NELL1: variants seen among roughly 807,000 people sequenced by gnomAD.
NELL1 encodes the protein protein kinase C-binding protein NELL1.
NELL1 carries 76 observed loss-of-function variants against 107.4 expected under a neutral mutation model. The observed-to-expected ratio is 0.71, with a 90% CI of 0.59 to 0.86. NELL1 has a LOEUF of 0.86. NELL1 is among the 40% of genes least tolerant of loss of function. The pLI, the probability that NELL1 is intolerant of heterozygous loss-of-function variation, is 0.00. For missense variants in NELL1, 1,024 were observed against 1,005.5 expected, an observed-to-expected ratio of 1.02 and a Z score of -0.25; for synonymous variants, 353 against 341.2, an observed-to-expected ratio of 1.03 and a Z score of -0.38.
chr11:20,768,948 A>G (rs554889034), intron 2 of NELL1, among the ~76,000 whole-genome samples: 1 of 152,330 alleles, frequency 6.6e-6, no homozygotes, highest in African/African-American at 2.4e-5. Context: ...CAACAGCCAT[A>G]AGAAACTAAT....
intron 2 of NELL1, among the ~76,000 whole-genome samples, chr11:20,765,179 T>G (rs1175464386): frequency 2.6e-5 from 4 of 151,496 alleles, no homozygotes; most frequent in South Asian, 2.1e-4. Flanking sequence ...AAAAATAAAA[T>G]GAGGCAGATA....
intron 13 of NELL1, among the ~76,000 whole-genome samples, chr11:21,124,247 T>G (rs1855437077): frequency 6.6e-6 from 1 of 152,188 alleles, no homozygotes; most frequent in East Asian, 1.9e-4. Context: ...ACATTGAGTT[T>G]TTTTCCCCCC....
At chr11:20,898,639 C>T (rs994741869) in intron 5 of NELL1, among the ~76,000 whole-genome samples, 2 of 150,354 alleles carry the variant, frequency 1.3e-5, no homozygotes, top group Non-Finnish European at 3.0e-5. Context: ...TAAATTATGA[C>T]CATTCTTGCA....
intron 4 of NELL1, among the ~76,000 whole-genome samples, chr11:20,870,865 A>G (rs948465669): frequency 1.3e-5 from 2 of 152,232 alleles, no homozygotes; most frequent in East Asian, 1.9e-4. Context: ...TTCTTTCAAG[A>G]AGATGATGAT....
In NELL1 at chr11:21,498,756, A is replaced by G. The variant is rs191323836; in HGVS notation, c.1646-35618A>G. ...AATTATTCTGTGAAGAGATTTACCC[A>G]TTTATACCATTGTAGGAGAGTTGCT... On this transcript the variant is annotated intron_variant, in intron 15 of 19. Transcript: ENST00000357134. Among the ~76,000 whole-genome samples the G allele has an allele frequency of 2.8e-3, 430 of 152,156 alleles. 5 individuals carry two copies. The highest frequency in any genetic ancestry group is 9.9e-3 in the African/African-American group (410 of 41,554).
At chr11:21,551,606 A>T (rs961384557) in intron 16 of NELL1, among the ~76,000 whole-genome samples, 2 of 151,696 alleles carry the variant, frequency 1.3e-5, no homozygotes, top group African/African-American at 4.8e-5. Flanking sequence ...CACACCAGTT[A>T]GAATGGCAAT....
At chr11:21,357,900 G>C (rs1238537919) in intron 14 of NELL1, among the ~76,000 whole-genome samples, 4 of 152,154 alleles carry the variant, frequency 2.6e-5, no homozygotes, top group Non-Finnish European at 5.9e-5. Flanking sequence ...GTTGAATAGG[G>C]TGTCGTTTCC....
At position 20,847,698 on chromosome 11, in the gene NELL1, A is replaced by C; in HGVS notation, c.451A>C (p.Lys151Gln). ...PYRMADGQWHKVALSVSASHL... is the reference protein window; with the variant it reads ...PYRMADGQWHQVALSVSASHL... The stretch of plus-strand genomic sequence containing the variant: ...CCGCATGGCAGATGGACAATGGCAC[A>C]AGGTTGCACTGTCAGTTAGCGCCTC... Residue 151 changes from lysine (K) to glutamine (Q), a missense_variant, in exon 4 of 20, where the codon AAG becomes CAG. By Grantham distance (53) the Lys-to-Gln change is moderately conservative. Coordinates refer to ENST00000357134, the MANE Select transcript of NELL1 (RefSeq NM_006157.5). 1.2e-6 allele frequency: 2 copies of C among 1,613,704 alleles called. No individual in the cohort carries two copies. The highest frequency in any genetic ancestry group is 1.1e-5 in the South Asian group (1 of 91,024).
chr11:21,088,244 T>C (rs1031919462), intron 12 of NELL1, among the ~76,000 whole-genome samples: 2 of 152,096 alleles, frequency 1.3e-5, no homozygotes, highest in African/African-American at 2.4e-5. Context: ...ATAGCAGCAG[T>C]TTGGGCAAAA....
chr11:20,694,821 C>G (rs1617042), intron 2 of NELL1, among the ~76,000 whole-genome samples: 2 of 151,142 alleles, frequency 1.3e-5, no homozygotes, highest in African/African-American at 4.9e-5. Flanking sequence ...TTTTTTAATT[C>G]TATGAAAAAT....
chr11:21,141,757 A>ATTTG (rs1855874016), intron 13 of NELL1, among the ~76,000 whole-genome samples: 1 of 150,986 alleles, frequency 6.6e-6, no homozygotes, highest in African/African-American at 2.4e-5. Context: ...TTATTTATTT[A>ATTTG]TTTATTTATT....
In NELL1 at chr11:21,330,698, G is replaced by T. The variant is rs528260282; in HGVS notation, c.1550-40155G>T. On this transcript the variant is annotated intron_variant, in intron 14 of 19. Transcript: ENST00000357134. ...CAACATTTTTACTATGATGTGTCTG[G>T]GTGTATATCTGTGTTTATCTTACTT... Among the ~76,000 whole-genome samples the T allele has an allele frequency of 2.0e-5, 3 of 151,654 alleles. No individual in the cohort carries two copies. In the South Asian group the frequency reaches 6.3e-4, roughly 32 times the overall value.
At chr11:21,391,987 A>G (rs1218204130) in intron 15 of NELL1, among the ~76,000 whole-genome samples, 2 of 151,808 alleles carry the variant, frequency 1.3e-5, no homozygotes, top group Non-Finnish European at 2.9e-5. Context: ...CTAGAAATCA[A>G]TCCTATAAAT....
chr11:20,768,786 A>C (rs566989042), intron 2 of NELL1, among the ~76,000 whole-genome samples: 1 of 152,270 alleles, frequency 6.6e-6, no homozygotes, highest in South Asian at 2.1e-4. Context: ...AAAGGCAAGG[A>C]AACAGTCTCC....
chr11:20,981,354 G>T (rs192455659), intron 12 of NELL1, among the ~76,000 whole-genome samples: 20 of 152,178 alleles, frequency 1.3e-4, no homozygotes, highest in Admixed American at 1.0e-3. Context: ...GGTATCTCAG[G>T]CCCCATCAAA....
At chr11:21,026,315 T>C (rs1169854106) in intron 12 of NELL1, among the ~76,000 whole-genome samples, 1 of 152,158 alleles carries the variant, frequency 6.6e-6, no homozygotes, top group Non-Finnish European at 1.5e-5. Context: ...TTAGCCTCCA[T>C]GCTGGCCTCT....
chr11:20,677,035 T>C (rs1019948151), intron 1 of NELL1, among the ~76,000 whole-genome samples: 2 of 152,266 alleles, frequency 1.3e-5, no homozygotes, highest in Middle Eastern at 6.8e-3. Context: ...AGAGGCATCT[T>C]TAGGGATTTG....
chr11:20,917,925 T>C (rs1483822503), intron 5 of NELL1, among the ~76,000 whole-genome samples: 1 of 152,008 alleles, frequency 6.6e-6, no homozygotes, highest in Non-Finnish European at 1.5e-5. Flanking sequence ...TTTACTGATG[T>C]GTCTTTGGTG....
chr11:21,229,466 G>C lies in NELL1; in HGVS notation c.1549+12G>C. ...GACCATCTGCAGAGGTAGGCTTGCC[G>C]CCTTAGTGTTGAGTTGTGAGCAGCC... On this transcript the variant is annotated intron_variant, in intron 14 of 19. Coordinates refer to ENST00000357134, the MANE Select transcript of NELL1 (RefSeq NM_006157.5). 1.2e-6 allele frequency: 2 copies of C among 1,613,214 alleles called. No individual in the cohort carries two copies. Among genetic ancestry groups the C allele is most frequent in the Non-Finnish European group, 1.7e-6 (2 of 1,179,512 alleles).
Sources: gnomAD v4.1 joint callset for allele counts (sites outside exome capture counted in the v4.1 genomes callset) on GRCh38, gnomAD v4.1.1 for gene constraint, MANE v1.5 for transcripts, NCBI Gene and HGNC (gene_info 2026-07-23, HGNC 2026-07-21) for gene names.